LGSN: variants seen among roughly 807,000 people sequenced by gnomAD.
LGSN encodes the protein lengsin, lens protein with glutamine synthetase domain.
Under a neutral mutation model 19.5 loss-of-function variants are expected in LGSN, and 21 were observed. The observed-to-expected ratio is 1.07, with a 90% CI of 0.76 to 1.55. The LOEUF (loss-of-function observed/expected upper bound fraction) is 1.55, where lower values mean the gene tolerates loss of function less well. Ranked by LOEUF, LGSN falls within the 40% of genes most tolerant of loss-of-function variation. The pLI is 0.00. For synonymous variants in LGSN, 257 were observed against 215.6 expected (o/e 1.19, Z -1.68); for missense variants, 673 against 608.5 (o/e 1.11, Z -1.12).
chr6:63,290,021 T>C (rs555214440), intron 2 of LGSN, among the ~76,000 whole-genome samples: 1 of 147,312 alleles, frequency 6.8e-6, no homozygotes, highest in Admixed American at 6.7e-5. Context: ...AAAAAAGCAA[T>C]ACAATAAAAA....
At chr6:63,439,440 G>A in the LGSN span, among the ~76,000 whole-genome samples, 6 of 151,980 alleles carry the variant, frequency 3.9e-5, no homozygotes, top group Admixed American at 6.6e-5. Flanking sequence ...CCCAGCTACC[G>A]GGAGGTGGAG....
the LGSN span, among the ~76,000 whole-genome samples, chr6:63,337,280 T>C: frequency 4.6e-5 from 7 of 151,792 alleles, no homozygotes; most frequent in Non-Finnish European, 1.0e-4. Flanking sequence ...CTGGCCAACA[T>C]GGCAAAACCC....
the LGSN span, among the ~76,000 whole-genome samples, chr6:63,518,116 C>T: frequency 8.1e-5 from 12 of 148,558 alleles, no homozygotes; most frequent in Non-Finnish European, 1.6e-4. Flanking sequence ...AGTACCATAT[C>T]GCACTCCAGC....
chr6:63,469,695 GA>G, the LGSN span, among the ~76,000 whole-genome samples: 21 of 151,434 alleles, frequency 1.4e-4, no homozygotes, highest in East Asian at 1.4e-3. Flanking sequence ...AAACAATACT[GA>G]AAAAAAAATT....
chr6:63,419,781 G>C, the LGSN span, among the ~76,000 whole-genome samples: 150 of 148,174 alleles, frequency 1.0e-3, no homozygotes, highest in African/African-American at 3.5e-3. Context: ...CCAGCTACTC[G>C]GGAGGCTGAG....
At chr6:63,315,873 T>C (rs1225537549) in intron 1 of LGSN, among the ~76,000 whole-genome samples, 1 of 137,624 alleles carries the variant, frequency 7.3e-6, no homozygotes, top group East Asian at 2.1e-4. Flanking sequence ...ATCCAGGTCT[T>C]AAAAAAAAAA....
the LGSN span, among the ~76,000 whole-genome samples, chr6:63,444,188 T>A: frequency 6.6e-6 from 1 of 152,026 alleles, no homozygotes; most frequent in South Asian, 2.1e-4. Context: ...TTTAATCTTC[T>A]CAACAACTCT....
chr6:63,412,938 GGAA>G, the LGSN span, among the ~76,000 whole-genome samples: 374 of 150,558 alleles, frequency 2.5e-3, 1 homozygote, highest in South Asian at 4.2e-3. Flanking sequence ...AAGGAAGAAA[GGAA>G]GAGAGAAGGA....
chr6:63,405,034 C>T, the LGSN span, among the ~76,000 whole-genome samples: 2 of 147,806 alleles, frequency 1.4e-5, no homozygotes, highest in Non-Finnish European at 3.0e-5. Flanking sequence ...CAATTCCCAC[C>T]TATGAGTGAG....
At chr6:63,412,408 AAAGAAAG>A in the LGSN span, among the ~76,000 whole-genome samples, 1 of 134,636 alleles carries the variant, frequency 7.4e-6, no homozygotes, top group Admixed American at 7.7e-5. Flanking sequence ...GGAAAGAAAG[AAAGAAAG>A]AAGAAAGAAA....
chr6:63,424,632 A>G, the LGSN span, among the ~76,000 whole-genome samples: 3 of 152,146 alleles, frequency 2.0e-5, no homozygotes, highest in Non-Finnish European at 4.4e-5. Flanking sequence ...CTCAAAATTC[A>G]CCAGTAAAAG....
At chr6:63,412,462 GA>G in the LGSN span, among the ~76,000 whole-genome samples, 2 of 108,062 alleles carry the variant, frequency 1.9e-5, no homozygotes, top group African/African-American at 4.8e-5. Flanking sequence ...AAGAAAGAAA[GA>G]AAAAGAGAGA....
At chr6:63,382,559 A>C in the LGSN span, among the ~76,000 whole-genome samples, 1 of 152,218 alleles carries the variant, frequency 6.6e-6, no homozygotes. Context: ...TGTGTTACCT[A>C]GGAGGGTAAA....
At position 63,280,838 on chromosome 6, in the gene LGSN, G is replaced by T. The variant is rs1367319288; in HGVS notation, c.713C>A (p.Pro238His). 11 of 1,614,014 alleles carry T rather than the reference G, an allele frequency of 6.8e-6. No homozygotes were observed. The highest frequency in any genetic ancestry group is 9.3e-6 in the Non-Finnish European group (11 of 1,179,990). Reference sequence around the variant, plus strand: ...GCCATCAACAAGTTCCTGCATGAAGGGCTGATCATGGTTATTTAAAAATGT... The same window carrying T: ...GCCATCAACAAGTTCCTGCATGAAGTGCTGATCATGGTTATTTAAAAATGT... Reference protein sequence around the residue: ...ALTFLNNHDQPFMQELVDGLY... With the variant: ...ALTFLNNHDQHFMQELVDGLY... The change falls in exon 4 of 4, where the codon CCC becomes CAC. Residue 238 changes from proline (P) to histidine (H), a missense_variant. Transcript: ENST00000370657.
At chr6:63,290,382 C>G (rs915047677) in intron 2 of LGSN, among the ~76,000 whole-genome samples, 1 of 152,318 alleles carries the variant, frequency 6.6e-6, no homozygotes, top group East Asian at 1.9e-4. Context: ...ATCCCTCTCT[C>G]TTTTGTAGCT....
the LGSN span, among the ~76,000 whole-genome samples, chr6:63,537,286 T>C: frequency 6.6e-6 from 1 of 152,286 alleles, no homozygotes; most frequent in East Asian, 1.9e-4. Flanking sequence ...CATCAGGCCC[T>C]ATTCCAGACC....
the LGSN span, among the ~76,000 whole-genome samples, chr6:63,557,909 A>C: frequency 1.3e-5 from 2 of 150,054 alleles, no homozygotes; most frequent in East Asian, 3.9e-4. Flanking sequence ...TTTTTTTTTG[A>C]GACGGAGTCT....
At chr6:63,354,916 G>A in the LGSN span, among the ~76,000 whole-genome samples, 1 of 151,428 alleles carries the variant, frequency 6.6e-6, no homozygotes, top group African/African-American at 2.4e-5. Context: ...ACTCATATAT[G>A]GGAGAAAAAA....
chr6:63,492,684 A>G, the LGSN span, among the ~76,000 whole-genome samples: 1 of 152,220 alleles, frequency 6.6e-6, no homozygotes, highest in Non-Finnish European at 1.5e-5. Flanking sequence ...AAGACAGCAA[A>G]GCTTTTCCAG....
Sources: allele counts gnomAD v4.1 joint callset (sites outside exome capture counted in the v4.1 genomes callset), GRCh38; gene constraint gnomAD v4.1.1; transcripts MANE v1.5; gene names NCBI Gene and HGNC (gene_info 2026-07-23, HGNC 2026-07-21).